CYTH1: variants seen among roughly 807,000 people sequenced by gnomAD.
CYTH1 encodes cytohesin 1, also known as cytohesin-1.
A neutral mutation model predicts 61.8 loss-of-function variants in CYTH1; 18 were observed. That is an observed-to-expected ratio of 0.29 (90% CI 0.20 to 0.43). The LOEUF is 0.43. Among genes scored for constraint, CYTH1 ranks in the 20% least tolerant of loss-of-function variants. The pLI, the probability that CYTH1 is intolerant of heterozygous loss-of-function variation, is 1.00. For synonymous variants in CYTH1, 174 were observed against 184.3 expected (o/e 0.94, Z 0.45); for missense variants, 336 against 510.5 (o/e 0.66, Z 3.29).
At chr17:78,681,124 G>A (rs762793859) in intron 11 of CYTH1, 82 bp from the exon 12 acceptor site, 111 of 1,369,826 alleles carry the variant, frequency 8.1e-5, no homozygotes, top group Non-Finnish European at 1.0e-4. Flanking sequence ...TGACTCAGCC[G>A]AACTTTCCTG....
intron 1 of CYTH1, chr17:78,723,910 G>A (rs967098581): frequency 2.0e-5 from 3 of 152,248 alleles, no homozygotes; most frequent in Non-Finnish European, 2.9e-5. Flanking sequence ...CTCCAACACC[G>A]TCCTGGAGGG....
At chr17:78,764,839 G>T (rs1012545404) in intron 1 of CYTH1, among the ~76,000 whole-genome samples, 3 of 152,040 alleles carry the variant, frequency 2.0e-5, no homozygotes, top group Non-Finnish European at 4.4e-5. Context: ...TAACAAAAGG[G>T]ATGAAGATTC....
intron 1 of CYTH1, among the ~76,000 whole-genome samples, chr17:78,757,203 C>A (rs766215472): frequency 1.3e-5 from 2 of 151,954 alleles, no homozygotes; most frequent in African/African-American, 2.4e-5. Context: ...CTGCCTTGGC[C>A]TCCCAAAGTG....
At chr17:78,781,656 G>A (rs2093518412) in intron 1 of CYTH1, among the ~76,000 whole-genome samples, 1 of 152,132 alleles carries the variant, frequency 6.6e-6, no homozygotes, top group African/African-American at 2.4e-5. Context: ...GAACAAAGAC[G>A]TGGACCGGGC....
Position 78,734,971 on chromosome 17 carries a change from C to T in CYTH1, c.23-25239G>A, listed in dbSNP as rs779597607. On this transcript the variant is annotated intron_variant, in intron 1 of 13. Coordinates refer to ENST00000446868, the MANE Select transcript of CYTH1 (RefSeq NM_004762.6). ...AGAGGAAACTCCATTTGTCCCCCTC[C>T]TTTTACACCTACCTAAATGCCACTC... Among the ~76,000 whole-genome samples the T allele has an allele frequency of 2.2e-4, 34 of 152,104 alleles. 1 individual carries two copies. Among genetic ancestry groups the T allele is most frequent in the Non-Finnish European group, 5.9e-5 (4 of 68,014 alleles).
chr17:78,739,674 G>A (rs1392481236), intron 1 of CYTH1, among the ~76,000 whole-genome samples: 1 of 152,182 alleles, frequency 6.6e-6, no homozygotes, highest in Non-Finnish European at 1.5e-5. Context: ...GGCTTCCTTT[G>A]TAACAAGACC....
chr17:78,680,699 T>C (rs1426474522), intron 12 of CYTH1, among the ~76,000 whole-genome samples: 1 of 152,192 alleles, frequency 6.6e-6, no homozygotes, highest in Non-Finnish European at 1.5e-5. Flanking sequence ...ATAAACTACA[T>C]AGCCCACTCC....
intron 1 of CYTH1, among the ~76,000 whole-genome samples, chr17:78,746,217 T>C (rs2093359004): frequency 1.3e-5 from 2 of 152,170 alleles, no homozygotes; most frequent in Non-Finnish European, 1.5e-5. Flanking sequence ...TCAGGTATTG[T>C]TAAGTTTTAA....
intron 1 of CYTH1, among the ~76,000 whole-genome samples, chr17:78,739,451 A>C (rs1215378162): frequency 6.6e-6 from 1 of 152,228 alleles, no homozygotes; most frequent in Non-Finnish European, 1.5e-5. Context: ...GTGGAAGTGC[A>C]GTCAGGGAAG....
intron 10 of CYTH1, among the ~76,000 whole-genome samples, chr17:78,694,135 T>C (rs1241254155): frequency 6.6e-6 from 1 of 152,236 alleles, no homozygotes; most frequent in African/African-American, 2.4e-5. Flanking sequence ...ATGTCCAGCG[T>C]AGGTCCTGGC....
chr17:78,722,594 C>T (rs1033007857), intron 1 of CYTH1, among the ~76,000 whole-genome samples: 2 of 152,186 alleles, frequency 1.3e-5, no homozygotes, highest in East Asian at 1.9e-4. Flanking sequence ...ACACCCCTTC[C>T]GTGTCCAAAA....
chr17:78,712,470 T>C (rs572385077), intron 1 of CYTH1, among the ~76,000 whole-genome samples: 4 of 151,766 alleles, frequency 2.6e-5, no homozygotes, highest in Non-Finnish European at 5.9e-5. Context: ...CTGGCCAACA[T>C]GGTGAAACCC....
intron 11 of CYTH1, among the ~76,000 whole-genome samples, chr17:78,690,323 G>A (rs1366388524): frequency 6.8e-6 from 1 of 146,104 alleles, no homozygotes; most frequent in African/African-American, 2.5e-5. Flanking sequence ...GAGCCCGGGA[G>A]GCGGAGCTTG....
At chr17:78,736,772 C>T (rs545095066) in intron 1 of CYTH1, 27 of 363,974 alleles carry the variant, frequency 7.4e-5, no homozygotes, top group African/African-American at 5.0e-4. Flanking sequence ...TCCAGGAGAG[C>T]GGTAACTTAC....
intron 1 of CYTH1, among the ~76,000 whole-genome samples, chr17:78,754,713 TTA>T (rs2093394026): frequency 6.6e-6 from 1 of 151,998 alleles, no homozygotes; most frequent in African/African-American, 2.4e-5. Flanking sequence ...GACTGAAGTT[TTA>T]TGTCACTTTT....
rs781203616 is a variant in CYTH1, at chr17:78,717,840, A to G, written c.23-8108T>C. Reference sequence around the variant, plus strand: ...CGTGTCCAAGGCATGCTTTAGGACCAGGATGTCTCTTTGAGGTCATCCAGC... The same window carrying G: ...CGTGTCCAAGGCATGCTTTAGGACCGGGATGTCTCTTTGAGGTCATCCAGC... On this transcript the variant is annotated intron_variant, in intron 1 of 13. Transcript: ENST00000446868. The surrounding 1 kb of genome is among the most constrained non-coding windows in gnomAD (Gnocchi z 4.4). Among the ~76,000 whole-genome samples, 2 of 152,208 alleles carry G rather than the reference A, an allele frequency of 1.3e-5. No homozygotes were observed. Among genetic ancestry groups the G allele is most frequent in the Non-Finnish European group, 2.9e-5 (2 of 68,036 alleles).
At chr17:78,685,170 C>T (rs1266500639) in intron 11 of CYTH1, among the ~76,000 whole-genome samples, 8 of 143,934 alleles carry the variant, frequency 5.6e-5, no homozygotes, top group Non-Finnish European at 1.0e-4. Context: ...TGCCACTGGA[C>T]TCCAGCCTGG....
chr17:78,774,604 G>A (rs1345972834), intron 1 of CYTH1, among the ~76,000 whole-genome samples: 1 of 152,048 alleles, frequency 6.6e-6, no homozygotes, highest in African/African-American at 2.4e-5. Flanking sequence ...GCCTATTCTG[G>A]AGACATGGTG....
chr17:78,698,216 G>T, intron 9 of CYTH1, 53 bp downstream of exon 9: 1 of 1,445,982 alleles, frequency 6.9e-7, no homozygotes, highest in Non-Finnish European at 9.7e-7. Context: ...CACACACACC[G>T]CCTTTCTTCC....
Sources: allele counts gnomAD v4.1 joint callset (sites outside exome capture counted in the v4.1 genomes callset), GRCh38; gene constraint gnomAD v4.1.1; non-coding constraint Gnocchi (gnomAD v3.1); transcripts MANE v1.5; gene names NCBI Gene and HGNC (gene_info 2026-07-23, HGNC 2026-07-21).